QTMAN: variants seen among roughly 807,000 people sequenced by gnomAD.
QTMAN encodes tRNA-queuosine alpha-mannosyltransferase.
the QTMAN span, among the ~76,000 whole-genome samples, chr2:144,234,428 G>T: frequency 6.6e-6 from 1 of 152,056 alleles, no homozygotes; most frequent in African/African-American, 2.4e-5. Flanking sequence ...AAAGGGAGAG[G>T]TCTATTTTCT....
At chr2:144,235,976 A>C in the QTMAN span, among the ~76,000 whole-genome samples, 3 of 151,140 alleles carry the variant, frequency 2.0e-5, no homozygotes, top group East Asian at 5.8e-4. Flanking sequence ...AGTAATAATA[A>C]TAATTATTAT....
chr2:144,080,230 C>T, the QTMAN span, among the ~76,000 whole-genome samples: 2 of 152,110 alleles, frequency 1.3e-5, no homozygotes, highest in Admixed American at 1.3e-4. Flanking sequence ...ACTGAAAAAA[C>T]ACAAGCAAAA....
At chr2:144,146,009 A>AAAAAAAAAAAAAAAAAAAAAAAAAT in the QTMAN span, 1 of 219,774 alleles carries the variant, frequency 4.6e-6, no homozygotes, top group Non-Finnish European at 8.7e-6. Flanking sequence ...AAAAAAAAAA[A>AAAAAAAAAAAAAAAAAAAAAAAAAT]AAAAAAAAAG....
At chr2:144,002,193 A>G in the QTMAN span, among the ~76,000 whole-genome samples, 1 of 151,950 alleles carries the variant, frequency 6.6e-6, no homozygotes, top group Non-Finnish European at 1.5e-5. Context: ...TATTAATTTT[A>G]TTTAAGTTCA....
the QTMAN span, among the ~76,000 whole-genome samples, chr2:144,103,326 C>A: frequency 6.6e-6 from 1 of 152,174 alleles, no homozygotes; most frequent in African/African-American, 2.4e-5. Flanking sequence ...GGGAGGATCG[C>A]CATGTGAAAC....
At chr2:144,130,092 GAA>G in the QTMAN span, among the ~76,000 whole-genome samples, 6,781 of 118,142 alleles carry the variant, frequency 0.057, 498 homozygotes, top group African/African-American at 0.18. Context: ...CTAATTTCTG[GAA>G]AAAAAAAAAA....
At chr2:144,101,460 T>C in the QTMAN span, among the ~76,000 whole-genome samples, 1 of 152,136 alleles carries the variant, frequency 6.6e-6, no homozygotes, top group African/African-American at 2.4e-5. Flanking sequence ...GATAGCCTTA[T>C]AGTGAAATGA....
the QTMAN span, among the ~76,000 whole-genome samples, chr2:144,226,319 A>C: frequency 1.3e-5 from 2 of 152,324 alleles, no homozygotes; most frequent in Admixed American, 1.3e-4. Context: ...TGTGAGCCAG[A>C]TACTATACTG....
the QTMAN span, among the ~76,000 whole-genome samples, chr2:144,024,486 C>T: frequency 1.3e-5 from 2 of 152,076 alleles, no homozygotes; most frequent in African/African-American, 2.4e-5. Context: ...AGGTGGTTTG[C>T]ATATGTGAAG....
At chr2:144,218,062 T>C in the QTMAN span, among the ~76,000 whole-genome samples, 66 of 152,302 alleles carry the variant, frequency 4.3e-4, 1 homozygote, top group Middle Eastern at 3.4e-3. Context: ...GTTCAATAAA[T>C]GTGTGTTGAG....
chr2:143,950,534 G>A, the QTMAN span, among the ~76,000 whole-genome samples: 3 of 151,296 alleles, frequency 2.0e-5, no homozygotes, highest in Admixed American at 6.6e-5. Context: ...TTTTGATGGT[G>A]GAAACACATT....
chr2:144,166,913 C>CTG, the QTMAN span, among the ~76,000 whole-genome samples: 2 of 152,294 alleles, frequency 1.3e-5, no homozygotes, highest in Middle Eastern at 3.4e-3. Context: ...GCACATGTGA[C>CTG]TGTGCCTCTT....
chr2:144,109,277 A>G, the QTMAN span, among the ~76,000 whole-genome samples: 2 of 152,230 alleles, frequency 1.3e-5, no homozygotes, highest in Non-Finnish European at 2.9e-5. Flanking sequence ...CAAACCTGAC[A>G]AAAACAAGAA....
At chr2:144,023,749 A>G in the QTMAN span, among the ~76,000 whole-genome samples, 1 of 152,238 alleles carries the variant, frequency 6.6e-6, no homozygotes, top group South Asian at 2.1e-4. Flanking sequence ...ATCTCTATAA[A>G]TACTAAAACA....
the QTMAN span, among the ~76,000 whole-genome samples, chr2:144,206,001 T>C: frequency 6.6e-6 from 1 of 152,350 alleles, no homozygotes; most frequent in African/African-American, 2.4e-5. Flanking sequence ...AGCTCTAACA[T>C]GAATCATGAT....
At chr2:144,150,540 G>GGC in the QTMAN span, among the ~76,000 whole-genome samples, 1 of 152,090 alleles carries the variant, frequency 6.6e-6, no homozygotes, top group South Asian at 2.1e-4. Flanking sequence ...TGTGGTTAGT[G>GGC]GCTACTGTAT....
the QTMAN span, among the ~76,000 whole-genome samples, chr2:144,089,945 T>A: frequency 1.3e-5 from 2 of 152,012 alleles, no homozygotes; most frequent in African/African-American, 4.8e-5. Context: ...CTACGCAGTA[T>A]ATACATGTAA....
the QTMAN span, among the ~76,000 whole-genome samples, chr2:144,132,156 G>C: frequency 6.6e-6 from 1 of 151,718 alleles, no homozygotes; most frequent in Non-Finnish European, 1.5e-5. Flanking sequence ...AGAATATCTT[G>C]TATTTAGCAC....
chr2:144,118,137 T>A, the QTMAN span, among the ~76,000 whole-genome samples: 1 of 152,146 alleles, frequency 6.6e-6, no homozygotes, highest in East Asian at 1.9e-4. Flanking sequence ...TGAGCCACCG[T>A]GCAGTACACT....
Sources: allele counts gnomAD v4.1 joint callset (sites outside exome capture counted in the v4.1 genomes callset), GRCh38; gene constraint gnomAD v4.1.1; transcripts MANE v1.5; gene names NCBI Gene and HGNC (gene_info 2026-07-23, HGNC 2026-07-21).